Variants in COL4A6 observed in about 807,000 individuals in gnomAD.
The protein encoded by COL4A6 is collagen alpha-6(IV) chain.
In COL4A6, 59 loss-of-function variants were observed where a neutral mutation model predicts 126.7. That is an observed-to-expected ratio of 0.47 (90% confidence interval 0.38 to 0.58). COL4A6 has a LOEUF of 0.58. Ranked by LOEUF, COL4A6 falls within the 20% of genes least tolerant of loss-of-function variation. The probability of loss-of-function intolerance (pLI) is 0.00; values close to 1 mark genes in which losing one functional copy is unlikely to be tolerated. For missense variants in COL4A6, 1,285 were observed against 1,337.3 expected, an observed-to-expected ratio of 0.96 and a Z score of 0.61; for synonymous variants, 547 against 496.6, an observed-to-expected ratio of 1.10 and a Z score of -1.35.
chrX:108,407,961 C>G lies in COL4A6; in HGVS notation c.63+29981G>C, dbSNP rs1209705282. ...ATGTCTTACTTAACCCTCAAACCCC[C>G]CTGAGACAGGTACTATTGTGATTGC... On this transcript the variant is annotated intron_variant, in intron 2 of 44. Transcript: ENST00000334504. Among the ~76,000 whole-genome samples, 4 of 111,090 alleles carry G rather than the reference C, an allele frequency of 3.6e-5. No individual in the cohort carries two copies. The East Asian group carries it at 1.1e-3, about 31-fold the overall frequency.
intron 2 of COL4A6, among the ~76,000 whole-genome samples, chrX:108,351,442 C>CTGTGTGTGTGTGTG (rs965452058): frequency 1.1e-5 from 1 of 94,371 alleles, no homozygotes; most frequent in Admixed American, 1.2e-4. Flanking sequence ...CTCTCTCTCT[C>CTGTGTGTGTGTGTG]TGTGTGTGTG....
chrX:108,320,580 A>G (rs190820393), intron 2 of COL4A6, among the ~76,000 whole-genome samples: 35 of 111,624 alleles, frequency 3.1e-4, no homozygotes, highest in Admixed American at 7.6e-4. Flanking sequence ...GCGGGGTTAA[A>G]GAAATGCATC....
chrX:108,284,533 T>C (rs975117474), intron 3 of COL4A6, among the ~76,000 whole-genome samples: 56 of 111,573 alleles, frequency 5.0e-4, no homozygotes, highest in African/African-American at 1.8e-3. Context: ...AGAAACAAAA[T>C]AAAACAAAAC....
At chrX:108,319,468 C>A (rs1344522380) in intron 2 of COL4A6, among the ~76,000 whole-genome samples, 2 of 111,895 alleles carry the variant, frequency 1.8e-5, no homozygotes, top group East Asian at 2.8e-4. Flanking sequence ...GTTAAGAGAG[C>A]ATGAGGAGGT....
chrX:108,224,160 G>A (rs2036097394), intron 3 of COL4A6, among the ~76,000 whole-genome samples: 1 of 111,441 alleles, frequency 9.0e-6, no homozygotes, highest in Admixed American at 9.5e-5. Flanking sequence ...GGAGACTTAG[G>A]AGGTAGGCAA....
At chrX:108,396,761 T>C (rs1036812578) in intron 2 of COL4A6, among the ~76,000 whole-genome samples, 5 of 111,473 alleles carry the variant, frequency 4.5e-5, no homozygotes, top group African/African-American at 1.6e-4. Context: ...CATTCAGTGC[T>C]GACTGTGAAG....
In COL4A6 at chrX:108,216,355, C is replaced by T. The variant is rs151319765; in HGVS notation, c.325-2127G>A. Among the ~76,000 whole-genome samples, 452 of 112,023 alleles carry T rather than the reference C, an allele frequency of 4.0e-3. 2 individuals carry two copies. Among genetic ancestry groups the T allele is most frequent in the Non-Finnish European group, 5.7e-3 (302 of 53,231 alleles). On this transcript the variant is annotated intron_variant, in intron 5 of 44. Transcript: ENST00000334504. ...CTTGTGCTCCAATCCCACTGTTTCC[C>T]TTCCCCAGCTTGAGCCTCAGTTCCC...
In COL4A6 at chrX:108,189,477, T is replaced by G. The variant is rs965633792; in HGVS notation, c.1427-800A>C. Among the ~76,000 whole-genome samples, 9 of 112,220 alleles carry G rather than the reference T, an allele frequency of 8.0e-5. No individual in the cohort carries two copies. In the East Asian group the frequency reaches 2.5e-3, roughly 31 times the overall value. ...ATAATCCCTATCACTATTCCATACTTAGAGAAAATCTTTCAGCCCCATGGA... is the reference window on the plus strand; with the variant it reads ...ATAATCCCTATCACTATTCCATACTGAGAGAAAATCTTTCAGCCCCATGGA... On this transcript the variant is annotated intron_variant, in intron 20 of 44. Transcript: ENST00000334504.
intron 3 of COL4A6, among the ~76,000 whole-genome samples, chrX:108,296,683 G>A (rs1056265867): frequency 5.4e-5 from 6 of 111,900 alleles, no homozygotes; most frequent in Non-Finnish European, 1.1e-4. Flanking sequence ...GCTAACAGTC[G>A]TAGTGATGGT....
At chrX:108,282,059 G>A (rs2037850706) in intron 3 of COL4A6, among the ~76,000 whole-genome samples, 1 of 110,983 alleles carries the variant, frequency 9.0e-6, no homozygotes, top group Admixed American at 9.6e-5. Flanking sequence ...GAAAACCTAG[G>A]CATTACCATT....
intron 3 of COL4A6, among the ~76,000 whole-genome samples, chrX:108,307,781 T>G (rs774616346): frequency 8.9e-6 from 1 of 111,865 alleles, no homozygotes; most frequent in South Asian, 3.8e-4. Flanking sequence ...ACTGAGAGGC[T>G]GTCCTGCAGG....
At chrX:108,310,720 T>C in intron 3 of COL4A6, 28 bp downstream of exon 3, 1 of 1,160,171 alleles carries the variant, frequency 8.6e-7, no homozygotes, top group Non-Finnish European at 1.2e-6. Context: ...CCACTATTTG[T>C]CTTTCAACAA....
intron 3 of COL4A6, among the ~76,000 whole-genome samples, chrX:108,245,215 T>C (rs1391812500): frequency 8.9e-6 from 1 of 112,367 alleles, no homozygotes; most frequent in Non-Finnish European, 1.9e-5. Flanking sequence ...CCAATGCCTT[T>C]ATCCAAGAAG....
At chrX:108,367,504 A>T (rs962638330) in intron 2 of COL4A6, among the ~76,000 whole-genome samples, 1 of 111,940 alleles carries the variant, frequency 8.9e-6, no homozygotes, top group Non-Finnish European at 1.9e-5. Context: ...AATTGTAATT[A>T]TATAGAGCCA....
chrX:108,302,729 C>T (rs1169575011), intron 3 of COL4A6, among the ~76,000 whole-genome samples: 2 of 110,977 alleles, frequency 1.8e-5, no homozygotes, highest in African/African-American at 6.6e-5. Flanking sequence ...ACTCTTCCCT[C>T]AGGATACCTT....
At chrX:108,364,732 T>C (rs1179801714) in intron 2 of COL4A6, among the ~76,000 whole-genome samples, 1 of 112,006 alleles carries the variant, frequency 8.9e-6, no homozygotes, top group East Asian at 2.8e-4. Context: ...TCCATTCATG[T>C]TGCTACAAAA....
chrX:108,206,470 C>T (rs780181251), intron 9 of COL4A6, 48 bp downstream of exon 9: 7 of 1,146,489 alleles, frequency 6.1e-6, no homozygotes, highest in Non-Finnish European at 8.4e-6. Flanking sequence ...GTAGGGAAAA[C>T]AACCATGTGA....
Position 108,425,907 on chromosome X carries a change from GA to G in COL4A6, c.63+12034del, listed in dbSNP as rs758618318. On this transcript the variant is annotated intron_variant, in intron 2 of 44. Transcript: ENST00000334504. Reference sequence around the variant, plus strand: ...AGGGCATATGAGATTTAGTTTGGGGGAAAAGGGGTCTACTGTCGTAAATTTT... The same window carrying G: ...AGGGCATATGAGATTTAGTTTGGGGGAAAGGGGTCTACTGTCGTAAATTTT... Among the ~76,000 whole-genome samples the G allele has an allele frequency of 1.0e-3, 115 of 111,085 alleles. 4 individuals carry two copies. The East Asian group carries it at 0.032, about 30-fold the overall frequency.
intron 3 of COL4A6, among the ~76,000 whole-genome samples, chrX:108,227,749 T>C (rs1354952399): frequency 3.6e-5 from 4 of 111,669 alleles, no homozygotes; most frequent in Non-Finnish European, 7.5e-5. Context: ...TTCTCAGACG[T>C]AAAGAGTCTG....
Sources: allele counts gnomAD v4.1 joint callset (sites outside exome capture counted in the v4.1 genomes callset), GRCh38; gene constraint gnomAD v4.1.1; transcripts MANE v1.5; gene names NCBI Gene and HGNC (gene_info 2026-07-23, HGNC 2026-07-21).